The following DSCAM variants were observed in gnomAD, a reference collection of about 807,000 sequenced individuals.
The protein encoded by DSCAM is cell adhesion molecule DSCAM.
A neutral mutation model predicts 217.7 loss-of-function variants in DSCAM; 47 were observed. The ratio of observed to expected loss-of-function variants is 0.22; its 90% CI spans 0.17 to 0.28. The LOEUF is 0.28. Among genes scored for constraint, DSCAM ranks in the 10% least tolerant of loss-of-function variants. The pLI, the probability that DSCAM is intolerant of heterozygous loss-of-function variation, is 1.00. For synonymous variants in DSCAM, 1,056 were observed against 1,015.3 expected (o/e 1.04, Z -0.76); for missense variants, 2,080 against 2,618.3 (o/e 0.79, Z 4.49).
intron 16 of DSCAM, among the ~76,000 whole-genome samples, chr21:40,158,792 A>G (rs951176807): frequency 5.9e-5 from 9 of 152,216 alleles, no homozygotes; most frequent in African/African-American, 2.2e-4. Context: ...ATAATTACTC[A>G]AAGCACAAAG....
chr21:40,155,141 C>T lies in DSCAM; in HGVS notation c.3019-10410G>A, dbSNP rs2090462677. Among the ~76,000 whole-genome samples, 4 of 152,348 alleles carry T rather than the reference C, an allele frequency of 2.6e-5. No homozygotes were observed. The South Asian group carries it at 6.2e-4, about 24-fold the overall frequency. On this transcript the variant is annotated intron_variant, in intron 16 of 32. Transcript: ENST00000400454. ...TTTTTGAATTCTGTTGTTCCTCATACATCACACCACCTGCTAACCACAGTT... is the reference window on the plus strand; with the variant it reads ...TTTTTGAATTCTGTTGTTCCTCATATATCACACCACCTGCTAACCACAGTT...
intron 16 of DSCAM, among the ~76,000 whole-genome samples, chr21:40,161,869 T>C (rs2068060482): frequency 1.3e-5 from 2 of 152,190 alleles, no homozygotes; most frequent in Admixed American, 6.5e-5. Context: ...GTAAAGTTTA[T>C]TTCAAGGCAA....
At chr21:40,113,837 T>G (rs1268442751) in intron 20 of DSCAM, among the ~76,000 whole-genome samples, 2 of 152,034 alleles carry the variant, frequency 1.3e-5, no homozygotes, top group African/African-American at 4.8e-5. Context: ...ATAAAATACC[T>G]AGGAATCCAA....
At chr21:40,101,817 T>C (rs1009825722) in intron 20 of DSCAM, among the ~76,000 whole-genome samples, 1 of 151,956 alleles carries the variant, frequency 6.6e-6, no homozygotes, top group Non-Finnish European at 1.5e-5. Context: ...ACTGCTGCCT[T>C]CAAAGTATGG....
chr21:40,660,040 C>T (rs1200696415), intron 3 of DSCAM, among the ~76,000 whole-genome samples: 2 of 152,132 alleles, frequency 1.3e-5, no homozygotes, highest in African/African-American at 4.8e-5. Context: ...TAGTTATATG[C>T]TAAAGACTGT....
At chr21:40,406,265 A>G (rs953204664) in intron 3 of DSCAM, among the ~76,000 whole-genome samples, 9 of 152,198 alleles carry the variant, frequency 5.9e-5, no homozygotes, top group Admixed American at 2.0e-4. Context: ...AACTAAAAAT[A>G]GAACTACCAT....
At chr21:40,317,753 G>A (rs540201635) in intron 8 of DSCAM, among the ~76,000 whole-genome samples, 4 of 151,952 alleles carry the variant, frequency 2.6e-5, no homozygotes, top group Non-Finnish European at 4.4e-5. Context: ...GGCTGGTCTC[G>A]AACTCCTGAC....
rs1301860959 is a variant in DSCAM at position 40,360,121 on chromosome 21, GTCTTT to G, written c.656-6383_656-6379del. Among the ~76,000 whole-genome samples the G allele has an allele frequency of 2.2e-4, 18 of 82,630 alleles. 2 individuals are homozygous for G. Among genetic ancestry groups the G allele is most frequent in the African/African-American group, 9.0e-4 (18 of 19,920 alleles). 54.2% of individuals were successfully genotyped at this position (82,630 alleles called of 152,430 possible). ...TAGTGAGCATGGTACTTCATAGGTA[GTCTTT>G]TTTTTTTTTTTTTTTTTTTTTTTGA... On this transcript the variant is annotated intron_variant, in intron 4 of 32. Transcript: ENST00000400454.
At chr21:40,827,483 A>ACAG (rs1555892991) in intron 1 of DSCAM, among the ~76,000 whole-genome samples, 1 of 133,444 alleles carries the variant, frequency 7.5e-6, no homozygotes, top group African/African-American at 2.8e-5. Context: ...AAAAAAAAAA[A>ACAG]AAAGAAAAGA....
At chr21:40,182,500 G>A (rs1351012611) in intron 14 of DSCAM, among the ~76,000 whole-genome samples, 1 of 151,900 alleles carries the variant, frequency 6.6e-6, no homozygotes, top group Non-Finnish European at 1.5e-5. Context: ...ACTGTGGACA[G>A]GACGGAGGCA....
intron 3 of DSCAM, among the ~76,000 whole-genome samples, chr21:40,471,441 T>C (rs376043331): frequency 1.4e-3 from 209 of 152,312 alleles, no homozygotes; most frequent in African/African-American, 4.3e-3. Flanking sequence ...TTTAACCCAG[T>C]GCTTTTAAAA....
chr21:40,263,465 G>GGTTAA (rs1219807728), intron 11 of DSCAM, among the ~76,000 whole-genome samples: 3 of 151,948 alleles, frequency 2.0e-5, no homozygotes, highest in African/African-American at 7.3e-5. Context: ...ATGATTTTGG[G>GGTTAA]GTTAACCATC....
chr21:40,466,861 G>A (rs1202858591), intron 3 of DSCAM, among the ~76,000 whole-genome samples: 1 of 152,110 alleles, frequency 6.6e-6, no homozygotes, highest in African/African-American at 2.4e-5. Flanking sequence ...TTTGATTTTT[G>A]CCAGTTTCCA....
At chr21:40,434,964 G>C (rs923498254) in intron 3 of DSCAM, among the ~76,000 whole-genome samples, 3 of 152,150 alleles carry the variant, frequency 2.0e-5, no homozygotes, top group Non-Finnish European at 4.4e-5. Context: ...ATGGCCCTAG[G>C]ATGACCTTTT....
intron 3 of DSCAM, among the ~76,000 whole-genome samples, chr21:40,683,417 T>C (rs2090436538): frequency 6.7e-6 from 1 of 149,150 alleles, no homozygotes; most frequent in African/African-American, 2.5e-5. Context: ...ATGAAAGGAG[T>C]GTGTGACAGA....
In DSCAM at chr21:40,338,588, A is replaced by T. The variant is rs551996572; in HGVS notation, c.1508-212T>A. Among the ~76,000 whole-genome samples the T allele has an allele frequency of 2.0e-5, 3 of 152,346 alleles. No homozygotes were observed. In the South Asian group the frequency reaches 6.2e-4, roughly 32 times the overall value. ...CAAATGTATAACTGTGAAACACTTT[A>T]TCTGCTACTTCTATGAAAATGTTTT... On this transcript the variant is annotated intron_variant, in intron 7 of 32. Transcript: ENST00000400454.
At chr21:40,416,518 A>T (rs769088474) in intron 3 of DSCAM, among the ~76,000 whole-genome samples, 1 of 152,218 alleles carries the variant, frequency 6.6e-6, no homozygotes, top group Non-Finnish European at 1.5e-5. Context: ...TTGCCAAAAT[A>T]AGCAGACAAA....
At chr21:40,310,338 G>A (rs1378097508) in intron 9 of DSCAM, among the ~76,000 whole-genome samples, 1 of 152,190 alleles carries the variant, frequency 6.6e-6, no homozygotes, top group Non-Finnish European at 1.5e-5. Context: ...CTACAGAACT[G>A]TCTGGATTGA....
chr21:40,106,273 A>G (rs2089819439), intron 20 of DSCAM, among the ~76,000 whole-genome samples: 1 of 152,202 alleles, frequency 6.6e-6, no homozygotes, highest in Non-Finnish European at 1.5e-5. Context: ...TTCCCATGAC[A>G]CATGGAGAAA....
Sources: gnomAD v4.1 joint callset for allele counts (sites outside exome capture counted in the v4.1 genomes callset) on GRCh38, gnomAD v4.1.1 for gene constraint, MANE v1.5 for transcripts, NCBI Gene and HGNC (gene_info 2026-07-23, HGNC 2026-07-21) for gene names.